Variants in MED27 observed in about 807,000 individuals in gnomAD.
MED27 encodes mediator of RNA polymerase II transcription subunit 27.
MED27 carries 30 observed loss-of-function variants against 38.2 expected under a neutral mutation model. The observed-to-expected ratio is 0.79, with a 90% CI of 0.59 to 1.07. The LOEUF (loss-of-function observed/expected upper bound fraction) is 1.07, where lower values mean the gene tolerates loss of function less well. Among genes scored for constraint, MED27 ranks in the 50% least tolerant of loss-of-function variants. The probability of loss-of-function intolerance (pLI) is 0.00; values close to 1 mark genes in which losing one functional copy is unlikely to be tolerated. For missense variants in MED27, 289 were observed against 397.5 expected (o/e 0.73, Z 2.32); for synonymous variants, 122 against 153.5 (o/e 0.79, Z 1.52).
chr9:131,945,156 A>G (rs998388826), intron 3 of MED27, among the ~76,000 whole-genome samples: 1 of 147,794 alleles, frequency 6.8e-6, no homozygotes, highest in Admixed American at 6.8e-5. Context: ...ATTTATATAT[A>G]TATAAATATA....
chr9:131,964,585 C>G (rs1307650572), intron 3 of MED27, among the ~76,000 whole-genome samples: 1 of 152,120 alleles, frequency 6.6e-6, no homozygotes, highest in African/African-American at 2.4e-5. Flanking sequence ...TGGGTATTTT[C>G]AATAACATAA....
chr9:131,985,874 A>C (rs1413477389), intron 3 of MED27, among the ~76,000 whole-genome samples: 1 of 152,094 alleles, frequency 6.6e-6, no homozygotes, highest in Non-Finnish European at 1.5e-5. Context: ...AAGGTGGAAG[A>C]CTCTGATACA....
intron 4 of MED27, among the ~76,000 whole-genome samples, chr9:131,904,427 G>A (rs1057121018): frequency 6.6e-6 from 1 of 152,042 alleles, no homozygotes; most frequent in African/African-American, 2.4e-5. Flanking sequence ...TAGAGACAGG[G>A]TCTTGCTCCA....
At chr9:131,898,960 C>G (rs1829880806) in intron 4 of MED27, among the ~76,000 whole-genome samples, 1 of 152,208 alleles carries the variant, frequency 6.6e-6, no homozygotes. Flanking sequence ...GGTCTCGGCT[C>G]TGCTGTTGGA....
At chr9:131,956,689 A>C (rs1024041949) in intron 3 of MED27, among the ~76,000 whole-genome samples, 2 of 152,082 alleles carry the variant, frequency 1.3e-5, no homozygotes, top group African/African-American at 4.8e-5. Flanking sequence ...ATTATCTGTT[A>C]TGTGTACTTA....
chr9:132,007,673 A>G (rs1832387384), intron 3 of MED27, among the ~76,000 whole-genome samples: 3 of 152,144 alleles, frequency 2.0e-5, no homozygotes, highest in Non-Finnish European at 4.4e-5. Context: ...GACAGTTTTC[A>G]GGGTAAGCAT....
intron 2 of MED27, among the ~76,000 whole-genome samples, chr9:132,048,938 T>C (rs1384134364): frequency 6.6e-6 from 1 of 152,218 alleles, no homozygotes; most frequent in Non-Finnish European, 1.5e-5. Flanking sequence ...AAATGAGAGA[T>C]GTCCTGTTAA....
chr9:131,869,282 TC>T (rs1477701782), intron 6 of MED27: 28 of 985,274 alleles, frequency 2.8e-5, no homozygotes, highest in Non-Finnish European at 3.4e-5. Context: ...ACAGTGATCT[TC>T]CGTCTTGTCA....
At chr9:132,043,911 C>T (rs1833276109) in intron 2 of MED27, among the ~76,000 whole-genome samples, 1 of 152,220 alleles carries the variant, frequency 6.6e-6, no homozygotes, top group East Asian at 1.9e-4. Flanking sequence ...CTTCTCATCT[C>T]CATACCCAGT....
intron 4 of MED27, among the ~76,000 whole-genome samples, chr9:131,907,409 G>A (rs1329778320): frequency 2.0e-5 from 3 of 152,178 alleles, no homozygotes; most frequent in African/African-American, 2.4e-5. Context: ...TGGTGGAGAC[G>A]GGGTTTCGCC....
chr9:132,012,643 T>A (rs1024196733), intron 3 of MED27, among the ~76,000 whole-genome samples: 1 of 152,128 alleles, frequency 6.6e-6, no homozygotes, highest in Non-Finnish European at 1.5e-5. Flanking sequence ...TCATATTGGC[T>A]CCTCAGAGAA....
At chr9:131,971,341 A>G (rs142465006) in intron 3 of MED27, among the ~76,000 whole-genome samples, 1 of 152,350 alleles carries the variant, frequency 6.6e-6, no homozygotes, top group African/African-American at 2.4e-5. Context: ...CGGAACAGCG[A>G]AGAAGCTTAG....
intron 2 of MED27, among the ~76,000 whole-genome samples, chr9:132,044,822 T>C (rs1003430981): frequency 1.3e-5 from 2 of 152,200 alleles, no homozygotes; most frequent in Non-Finnish European, 2.9e-5. Flanking sequence ...ACTCTTATCA[T>C]TCAAGTCAAA....
At chr9:132,073,438 G>A in intron 2 of MED27, 1 of 1,100,880 alleles carries the variant, frequency 9.1e-7, no homozygotes, top group South Asian at 4.4e-5. Flanking sequence ...AGTTGCTGGG[G>A]ACTCCCAGCA....
chr9:132,031,371 T>C (rs1329052945), intron 2 of MED27, among the ~76,000 whole-genome samples: 1 of 152,216 alleles, frequency 6.6e-6, no homozygotes, highest in Non-Finnish European at 1.5e-5. Context: ...AAGTATCAAT[T>C]AAAGCAATGC....
At chr9:131,874,595 G>A (rs2131466611) in intron 6 of MED27, among the ~76,000 whole-genome samples, 1 of 152,274 alleles carries the variant, frequency 6.6e-6, no homozygotes, top group South Asian at 2.1e-4. Context: ...TGGAAGGTGG[G>A]GCCTGGGCAA....
chr9:131,935,220 A>G (rs1187906142), intron 4 of MED27, among the ~76,000 whole-genome samples: 5 of 152,360 alleles, frequency 3.3e-5, no homozygotes, highest in Admixed American at 2.6e-4. Context: ...TAACTAAAAG[A>G]GTATAATTGG....
rs1167440355 is a variant in MED27 at position 131,949,804 on chromosome 9, G to A, written c.480-10330C>T. On this transcript the variant is annotated intron_variant, in intron 3 of 7. Transcript: ENST00000292035. ...GGTTTCCAGTTTCTTCAAGGCAGAAGGCTTGTCTCCAGAGAAACAGGACAA... is the reference window on the plus strand; with the variant it reads ...GGTTTCCAGTTTCTTCAAGGCAGAAAGCTTGTCTCCAGAGAAACAGGACAA... Among the ~76,000 whole-genome samples the A allele has an allele frequency of 2.0e-5, 3 of 152,158 alleles. No homozygotes were observed. In the East Asian group the frequency reaches 5.8e-4, roughly 29 times the overall value.
intron 4 of MED27, among the ~76,000 whole-genome samples, chr9:131,907,606 A>G (rs1438520533): frequency 1.3e-5 from 2 of 152,106 alleles, no homozygotes; most frequent in Non-Finnish European, 2.9e-5. Flanking sequence ...GGCCCCCCAA[A>G]GTGCCGAGAT....
Sources: allele counts gnomAD v4.1 joint callset (sites outside exome capture counted in the v4.1 genomes callset), GRCh38; gene constraint gnomAD v4.1.1; transcripts MANE v1.5; gene names NCBI Gene and HGNC (gene_info 2026-07-23, HGNC 2026-07-21).